The following UBE2R2 variants were observed in gnomAD, a reference collection of about 807,000 sequenced individuals.
UBE2R2 encodes the protein ubiquitin-conjugating enzyme E2 R2.
A neutral mutation model predicts 27.8 loss-of-function variants in UBE2R2; 1 was observed. The ratio of observed to expected loss-of-function variants is 0.04; its 90% CI spans 0.01 to 0.17. UBE2R2 has a LOEUF of 0.17. UBE2R2 is among the 10% of genes least tolerant of loss of function. The pLI is 1.00. For missense variants in UBE2R2, 100 were observed against 291.0 expected (o/e 0.34, Z 4.78); for synonymous variants, 106 against 113.3 (o/e 0.94, Z 0.41).
intron 1 of UBE2R2, among the ~76,000 whole-genome samples, chr9:33,833,076 C>G (rs116263923): frequency 0.016 from 2,425 of 152,072 alleles, 56 homozygotes; most frequent in African/African-American, 0.055. Context: ...TGAGGTTTTT[C>G]TTTTTTGAGA....
intron 1 of UBE2R2, among the ~76,000 whole-genome samples, chr9:33,883,728 AAAAG>A (rs1821785596): frequency 6.6e-6 from 1 of 151,206 alleles, no homozygotes; most frequent in Non-Finnish European, 1.5e-5. Context: ...AAAAAAAAAA[AAAAG>A]AAATAAAAAA....
intron 1 of UBE2R2, among the ~76,000 whole-genome samples, chr9:33,859,743 G>C (rs188569830): frequency 2.9e-4 from 44 of 149,410 alleles, no homozygotes; most frequent in African/African-American, 1.0e-3. Flanking sequence ...TACAGTCCTT[G>C]TGGTTATCTA....
rs1587425304 is a variant in UBE2R2, at chr9:33,826,762, A to G, written c.177+8828A>G. On this transcript the variant is annotated intron_variant, in intron 1 of 4. Transcript: ENST00000263228. ...CACTTTAAACACCTTTATTTGATTTAGTAACAAATACATATAAAAATGTTT... is the reference window on the plus strand; with the variant it reads ...CACTTTAAACACCTTTATTTGATTTGGTAACAAATACATATAAAAATGTTT... Among the ~76,000 whole-genome samples the G allele has an allele frequency of 2.6e-5, 4 of 152,256 alleles. No homozygotes were observed. The South Asian group carries it at 8.3e-4, about 32-fold the overall frequency.
At chr9:33,899,246 T>C (rs1822191855) in intron 2 of UBE2R2, among the ~76,000 whole-genome samples, 1 of 152,218 alleles carries the variant, frequency 6.6e-6, no homozygotes, top group South Asian at 2.1e-4. Context: ...CTCATTGTGT[T>C]GCCCAGGCCG....
At chr9:33,884,054 T>TGGCTGA (rs1294210634) in intron 1 of UBE2R2, among the ~76,000 whole-genome samples, 1 of 151,874 alleles carries the variant, frequency 6.6e-6, no homozygotes, top group Non-Finnish European at 1.5e-5. Flanking sequence ...TCTACTCAGG[T>TGGCTGA]GGCTGAGGTG....
chr9:33,909,028 A>G (rs1337684207), intron 3 of UBE2R2, among the ~76,000 whole-genome samples: 1 of 152,018 alleles, frequency 6.6e-6, no homozygotes, highest in Non-Finnish European at 1.5e-5. Context: ...ATAAATAAAT[A>G]TTAAAATTCA....
chr9:33,847,648 C>G (rs566387258), intron 1 of UBE2R2, among the ~76,000 whole-genome samples: 1 of 151,890 alleles, frequency 6.6e-6, no homozygotes, highest in Admixed American at 6.6e-5. Flanking sequence ...CATTAACCTA[C>G]GTATAGTAGA....
At chr9:33,834,004 C>T (rs1304885128) in intron 1 of UBE2R2, among the ~76,000 whole-genome samples, 1 of 152,020 alleles carries the variant, frequency 6.6e-6, no homozygotes, top group Non-Finnish European at 1.5e-5. Flanking sequence ...AATAACATTC[C>T]GTTGTTTGTA....
chr9:33,899,438 G>A (rs969570260), intron 2 of UBE2R2, among the ~76,000 whole-genome samples: 4 of 134,612 alleles, frequency 3.0e-5, no homozygotes, highest in Admixed American at 1.4e-4. Context: ...GCATTGGCGC[G>A]ATCTTGGCTC....
At chr9:33,874,148 A>G (rs1821552194) in intron 1 of UBE2R2, among the ~76,000 whole-genome samples, 1 of 151,980 alleles carries the variant, frequency 6.6e-6, no homozygotes, top group Admixed American at 6.6e-5. Context: ...GGGTTTCACC[A>G]TGTTGGCCAG....
intron 1 of UBE2R2, among the ~76,000 whole-genome samples, chr9:33,849,721 G>C (rs1202917255): frequency 1.3e-5 from 2 of 151,232 alleles, no homozygotes; most frequent in East Asian, 3.9e-4. Context: ...AGGCGGTGTG[G>C]TGGCATGTGC....
intron 1 of UBE2R2, among the ~76,000 whole-genome samples, chr9:33,847,622 TTC>T (rs943906097): frequency 2.0e-5 from 3 of 152,066 alleles, no homozygotes; most frequent in South Asian, 2.1e-4. Flanking sequence ...TGCTGCTTCA[TTC>T]TCTCTCTCTT....
chr9:33,882,766 C>T (rs1403982689), intron 1 of UBE2R2, among the ~76,000 whole-genome samples: 1 of 152,114 alleles, frequency 6.6e-6, no homozygotes, highest in Non-Finnish European at 1.5e-5. Flanking sequence ...TCACCAAAAT[C>T]AATTTTAGAA....
rs1044463440 is a variant in UBE2R2, at chr9:33,917,659, T to C, written c.*422T>C. 3.5e-6 allele frequency: 1 copy of C among 281,712 alleles called. No individual in the cohort carries two copies. The highest frequency in any genetic ancestry group is 6.5e-6 in the Non-Finnish European group (1 of 153,744). The allele number at this position is 281,712 out of a possible 1,614,324, so 17.5% of individuals were successfully genotyped here. A position where few individuals can be genotyped will look rare whatever the true frequency, so the allele number is the denominator to read the frequency against. On this transcript the variant is annotated 3_prime_UTR_variant, in exon 5 of 5. Transcript: ENST00000263228. The stretch of plus-strand genomic sequence containing the variant: ...GGGAGTTCACAAGTGCTGCATATAC[T>C]GGGTAGCAAAAGAAAATGGAAAAAA...
At chr9:33,885,113 T>C (rs1821829450) in intron 1 of UBE2R2, among the ~76,000 whole-genome samples, 1 of 152,214 alleles carries the variant, frequency 6.6e-6, no homozygotes, top group Non-Finnish European at 1.5e-5. Context: ...GTCTTCAACT[T>C]AATTCAGACA....
At chr9:33,821,033 C>G (rs1825972968) in intron 1 of UBE2R2, among the ~76,000 whole-genome samples, 1 of 132,454 alleles carries the variant, frequency 7.5e-6, no homozygotes, top group African/African-American at 2.5e-5. Context: ...TTTGGCCTTA[C>G]TATCTTTTTG....
intron 1 of UBE2R2, among the ~76,000 whole-genome samples, chr9:33,856,300 T>G (rs1419695965): frequency 6.6e-6 from 1 of 152,188 alleles, no homozygotes; most frequent in Non-Finnish European, 1.5e-5. Flanking sequence ...TGTATGTATA[T>G]GTAATTTTAA....
chr9:33,827,970 C>CAA (rs200334146), intron 1 of UBE2R2, among the ~76,000 whole-genome samples: 1 of 143,268 alleles, frequency 7.0e-6, no homozygotes, highest in Non-Finnish European at 1.5e-5. Flanking sequence ...GACTCCCTCT[C>CAA]AAAAAAAAAA....
chr9:33,858,675 G>A (rs1480993488), intron 1 of UBE2R2, among the ~76,000 whole-genome samples: 1 of 151,826 alleles, frequency 6.6e-6, no homozygotes, highest in Admixed American at 6.6e-5. Context: ...CAGGGTTCTG[G>A]GATTACAGGC....
Sources: gnomAD v4.1 joint callset for allele counts (sites outside exome capture counted in the v4.1 genomes callset) on GRCh38, gnomAD v4.1.1 for gene constraint, MANE v1.5 for transcripts, NCBI Gene and HGNC (gene_info 2026-07-23, HGNC 2026-07-21) for gene names.